PCDH11X: variants seen among roughly 807,000 people sequenced by gnomAD.
PCDH11X encodes the protein protocadherin 11 X-linked, also known as protocadherin-11 X-linked.
PCDH11X carries 18 observed loss-of-function variants against 53.3 expected under a neutral mutation model. The observed-to-expected ratio is 0.34, with a 90% CI of 0.23 to 0.50. PCDH11X has a LOEUF of 0.50. Ranked by LOEUF, PCDH11X falls within the 20% of genes least tolerant of loss-of-function variation. The pLI is 0.98. For missense variants in PCDH11X, 570 were observed against 1,032.4 expected, an observed-to-expected ratio of 0.55 and a Z score of 6.14; for synonymous variants, 279 against 393.3, an observed-to-expected ratio of 0.71 and a Z score of 3.44.
intron 6 of PCDH11X, among the ~76,000 whole-genome samples, chrX:92,159,306 C>G (rs1192409588): frequency 9.2e-6 from 1 of 108,687 alleles, no homozygotes; most frequent in Non-Finnish European, 1.9e-5. Context: ...TCTCATGTGA[C>G]CCACTGCAAA....
At chrX:92,108,164 T>A (rs2064427086) in intron 6 of PCDH11X, among the ~76,000 whole-genome samples, 1 of 112,014 alleles carries the variant, frequency 8.9e-6, no homozygotes. Flanking sequence ...CCTCAAAATG[T>A]CTACATCAGT....
chrX:92,120,194 T>C (rs1378558314), intron 6 of PCDH11X, among the ~76,000 whole-genome samples: 85 of 94,755 alleles, frequency 9.0e-4, no homozygotes, highest in Non-Finnish European at 1.6e-3. Flanking sequence ...AGAGTCTCTC[T>C]CTGTCACCCC....
chrX:91,961,996 C>T (rs1005327250), intron 6 of PCDH11X, among the ~76,000 whole-genome samples: 1 of 108,607 alleles, frequency 9.2e-6, no homozygotes, highest in African/African-American at 3.4e-5. Context: ...TACCTCCCAC[C>T]AGGTCTCTCC....
intron 10 of PCDH11X, among the ~76,000 whole-genome samples, chrX:92,486,908 A>C (rs2073652983): frequency 9.3e-6 from 1 of 107,531 alleles, no homozygotes; most frequent in Non-Finnish European, 1.9e-5. Flanking sequence ...GTGTCATATA[A>C]TACTTTGTTA....
intron 6 of PCDH11X, among the ~76,000 whole-genome samples, chrX:92,164,678 G>C (rs2065701520): frequency 9.3e-6 from 1 of 107,148 alleles, no homozygotes; most frequent in South Asian, 4.1e-4. Context: ...TTGTAATTCT[G>C]ATGCAAGAAT....
chrX:92,095,403 C>T (rs937021173), intron 6 of PCDH11X, among the ~76,000 whole-genome samples: 1 of 110,817 alleles, frequency 9.0e-6, no homozygotes, highest in Non-Finnish European at 1.9e-5. Flanking sequence ...GAGGTAGGTA[C>T]CCCTGAATAA....
At chrX:92,316,497 A>C (rs1182362526) in intron 8 of PCDH11X, among the ~76,000 whole-genome samples, 2 of 111,500 alleles carry the variant, frequency 1.8e-5, no homozygotes, top group Non-Finnish European at 3.8e-5. Flanking sequence ...AAATAATTGG[A>C]CACTTTTTTC....
At chrX:92,399,772 C>T (rs1301197435) in intron 9 of PCDH11X, among the ~76,000 whole-genome samples, 2 of 109,098 alleles carry the variant, frequency 1.8e-5, no homozygotes, top group East Asian at 3.0e-4. Flanking sequence ...AACGGAGTCT[C>T]GTTCTGTTGC....
chrX:92,172,837 G>T (rs1295918254), intron 6 of PCDH11X, among the ~76,000 whole-genome samples: 3 of 111,678 alleles, frequency 2.7e-5, no homozygotes, highest in Non-Finnish European at 5.6e-5. Flanking sequence ...TTACATGCAT[G>T]GAAGTATCAC....
chrX:92,177,260 G>C (rs1003505276), intron 6 of PCDH11X, among the ~76,000 whole-genome samples: 1 of 111,208 alleles, frequency 9.0e-6, no homozygotes, highest in African/African-American at 3.3e-5. Flanking sequence ...TTACAGGATT[G>C]AGCCACTGTG....
chrX:91,881,134 G>A (rs1263310223), intron 6 of PCDH11X, among the ~76,000 whole-genome samples: 1 of 109,931 alleles, frequency 9.1e-6, no homozygotes. Context: ...TTTTACTTGA[G>A]TTTATGAACA....
At chrX:92,102,103 A>G (rs1395108322) in intron 6 of PCDH11X, among the ~76,000 whole-genome samples, 2 of 111,118 alleles carry the variant, frequency 1.8e-5, no homozygotes, top group African/African-American at 6.6e-5. Context: ...CAGGTGTGGT[A>G]TCAGGAATAA....
chrX:92,113,595 G>T, intron 6 of PCDH11X: 1 of 1,197,941 alleles, frequency 8.3e-7, no homozygotes, highest in Non-Finnish European at 1.1e-6. Context: ...GCATCTTCTC[G>T]GTGAGCCAGT....
At chrX:92,405,744 C>A (rs2071491937) in intron 9 of PCDH11X, among the ~76,000 whole-genome samples, 1 of 108,563 alleles carries the variant, frequency 9.2e-6, no homozygotes, top group South Asian at 4.1e-4. Context: ...TAGTGTCTCC[C>A]TCAGCACCTC....
At chrX:92,152,188 C>T (rs866652221) in intron 6 of PCDH11X, among the ~76,000 whole-genome samples, 1 of 85,192 alleles carries the variant, frequency 1.2e-5, no homozygotes, top group Non-Finnish European at 2.3e-5. Context: ...CTTCATTGTG[C>T]GCAAGTGCCT....
chrX:92,371,635 AGT>A (rs2070626132), intron 8 of PCDH11X, among the ~76,000 whole-genome samples: 1 of 107,158 alleles, frequency 9.3e-6, no homozygotes. Flanking sequence ...CAAGGTACTG[AGT>A]ATATCACAGT....
Position 92,487,620 on chromosome X carries a change from G to C in PCDH11X, c.3367+19298G>C, listed in dbSNP as rs150571945. Among the ~76,000 whole-genome samples the C allele has an allele frequency of 2.3e-3, 256 of 110,909 alleles. 1 individual carries two copies. Among genetic ancestry groups the C allele is most frequent in the African/African-American group, 8.0e-3 (244 of 30,484 alleles). On this transcript the variant is annotated intron_variant, in intron 10 of 10. Coordinates refer to ENST00000682573, the MANE Select transcript of PCDH11X (RefSeq NM_032968.5). Reference sequence around the variant, plus strand: ...GAGCCTTTACTCTGTGTCAGGCCTTGTGGTAGGAGCTGGGCTTCAGAAATA... The same window carrying C: ...GAGCCTTTACTCTGTGTCAGGCCTTCTGGTAGGAGCTGGGCTTCAGAAATA...
chrX:92,307,186 C>G (rs1005481257), intron 8 of PCDH11X, among the ~76,000 whole-genome samples: 17 of 110,223 alleles, frequency 1.5e-4, no homozygotes, highest in Non-Finnish European at 3.0e-4. Context: ...ACCAATACTG[C>G]TGATGAATAT....
rs181197106 is a variant in PCDH11X, at chrX:92,216,245, A to T, written c.3114+14790A>T. Among the ~76,000 whole-genome samples, 455 of 111,003 alleles carry T rather than the reference A, an allele frequency of 4.1e-3. 5 individuals are homozygous for T. The highest frequency in any genetic ancestry group is 0.026 in the South Asian group (66 of 2,566). On this transcript the variant is annotated intron_variant, in intron 7 of 10. Coordinates refer to ENST00000682573, the MANE Select transcript of PCDH11X (RefSeq NM_032968.5). ...GCTGAGAGAAGGCTTCAGATGATCAAACTACTCCGAGCTACAGGAGGAAAT... is the reference window on the plus strand; with the variant it reads ...GCTGAGAGAAGGCTTCAGATGATCATACTACTCCGAGCTACAGGAGGAAAT...
Sources: allele counts gnomAD v4.1 joint callset (sites outside exome capture counted in the v4.1 genomes callset), GRCh38; gene constraint gnomAD v4.1.1; transcripts MANE v1.5; gene names NCBI Gene and HGNC (gene_info 2026-07-23, HGNC 2026-07-21).